MTHFD1L: variants seen among roughly 807,000 people sequenced by gnomAD.
MTHFD1L encodes the protein monofunctional C1-tetrahydrofolate synthase, mitochondrial.
A neutral mutation model predicts 119.5 loss-of-function variants in MTHFD1L; 81 were observed. The ratio of observed to expected loss-of-function variants is 0.68; its 90% CI spans 0.57 to 0.82. The LOEUF (loss-of-function observed/expected upper bound fraction) is 0.82, where lower values mean the gene tolerates loss of function less well. Ranked by LOEUF, MTHFD1L falls within the 40% of genes least tolerant of loss-of-function variation. The pLI is 0.00. For missense variants in MTHFD1L, 1,125 were observed against 1,253.4 expected (o/e 0.90, Z 1.55); for synonymous variants, 430 against 475.2 (o/e 0.90, Z 1.24).
Position 150,865,760 on chromosome 6 carries a change from A to G in MTHFD1L, c.-63A>G. Reference sequence around the variant, plus strand: ...CGCCGCCGCCGCCTGCTCCCCTGGCACGCGCCCCGCCGCCCTCGGCAGCCG... The same window carrying G: ...CGCCGCCGCCGCCTGCTCCCCTGGCGCGCGCCCCGCCGCCCTCGGCAGCCG... On this transcript the variant is annotated 5_prime_UTR_variant, in exon 1 of 28. Transcript: ENST00000367321. 2.5e-6 allele frequency: 3 copies of G among 1,202,100 alleles called. No individual in the cohort carries two copies. Among genetic ancestry groups the G allele is most frequent in the East Asian group, 5.0e-5 (1 of 19,992 alleles). 74.5% of individuals were successfully genotyped at this position (1,202,100 alleles called of 1,614,324 possible). A position where few individuals can be genotyped will look rare whatever the true frequency, so the allele number is the denominator to read the frequency against.
At chr6:151,059,536 A>T (rs1790390668) in intron 26 of MTHFD1L, among the ~76,000 whole-genome samples, 1 of 152,252 alleles carries the variant, frequency 6.6e-6, no homozygotes, top group South Asian at 2.1e-4. Context: ...TTTTGGTGAG[A>T]AATGAGAACT....
intron 20 of MTHFD1L, among the ~76,000 whole-genome samples, chr6:150,997,127 G>A (rs891963412): frequency 1.3e-5 from 2 of 152,150 alleles, no homozygotes; most frequent in African/African-American, 4.8e-5. Flanking sequence ...CAGCTTCTCA[G>A]CACTGTGTCC....
chr6:150,918,595 C>T lies in MTHFD1L; in HGVS notation c.911C>T (p.Ser304Phe), dbSNP rs777139930. Reference sequence around the variant, plus strand: ...TTTACAGGGAAGGTTGGGTGTGGCTCTCCAAGAATACATTTTGGTGGACTC... The same window carrying T: ...TTTACAGGGAAGGTTGGGTGTGGCTTTCCAAGAATACATTTTGGTGGACTC... ...DFLSGKVGCG[S>F]PRIHFGGLIE... Residue 304 changes from serine to phenylalanine, a missense_variant, in exon 9 of 28, where the codon TCT becomes TTT. Physicochemically the swap from Ser to Phe is radical, Grantham distance 155. Transcript: ENST00000367321. The T allele has an allele frequency of 1.2e-6, 2 of 1,613,974 alleles. No homozygotes were observed. Among genetic ancestry groups the T allele is most frequent in the South Asian group, 2.2e-5 (2 of 91,064 alleles).
chr6:151,017,157 T>C (rs1368681465), intron 24 of MTHFD1L, among the ~76,000 whole-genome samples: 2 of 152,034 alleles, frequency 1.3e-5, no homozygotes, highest in Non-Finnish European at 2.9e-5. Context: ...ACGCTTTTCA[T>C]CTTGCAAAAC....
chr6:150,950,962 C>T (rs1353705800), intron 16 of MTHFD1L, among the ~76,000 whole-genome samples: 1 of 151,898 alleles, frequency 6.6e-6, no homozygotes, highest in East Asian at 1.9e-4. Flanking sequence ...AGCCACTGTG[C>T]CTGGCTTGGG....
intron 7 of MTHFD1L, among the ~76,000 whole-genome samples, chr6:150,896,720 A>C (rs1025773841): frequency 1.3e-5 from 2 of 152,130 alleles, no homozygotes; most frequent in Non-Finnish European, 1.5e-5. Flanking sequence ...AGAGCCAAAA[A>C]AACTTTATTA....
intron 24 of MTHFD1L, among the ~76,000 whole-genome samples, chr6:151,016,550 T>C (rs479755): frequency 0.18 from 27,293 of 151,628 alleles, 3,273 homozygotes; most frequent in African/African-American, 0.35. Flanking sequence ...CTCAAACTCC[T>C]GATCTCATGG....
At chr6:150,930,520 A>G (rs1790860155) in intron 11 of MTHFD1L, among the ~76,000 whole-genome samples, 1 of 151,960 alleles carries the variant, frequency 6.6e-6, no homozygotes, top group South Asian at 2.1e-4. Context: ...ACATAAAGTA[A>G]AAAGGAGATA....
intron 20 of MTHFD1L, among the ~76,000 whole-genome samples, chr6:150,982,787 C>A (rs944242747): frequency 6.6e-6 from 1 of 151,964 alleles, no homozygotes; most frequent in Non-Finnish European, 1.5e-5. Flanking sequence ...GCAACCTCCA[C>A]CTCCCAGGTT....
intron 17 of MTHFD1L, among the ~76,000 whole-genome samples, chr6:150,956,456 A>C (rs75470455): frequency 6.6e-6 from 1 of 152,208 alleles, no homozygotes; most frequent in African/African-American, 2.4e-5. Context: ...ATATCAAAGA[A>C]CAAACACCTA....
Position 151,043,258 on chromosome 6 carries a change from C to CTTTTTTTTTTT in MTHFD1L, c.2847+6155_2847+6165dup, listed in dbSNP as rs1170553631. On this transcript the variant is annotated intron_variant, in intron 26 of 27. Coordinates refer to ENST00000367321, the MANE Select transcript of MTHFD1L (RefSeq NM_015440.5). Reference sequence around the variant, plus strand: ...CTTCTTTCTTCTCACAGTGTTTTCTCTTTTTTTTTTTTTTTTTTTTTTTTG... The same window carrying CTTTTTTTTTTT: ...CTTCTTTCTTCTCACAGTGTTTTCTCTTTTTTTTTTTTTTTTTTTTTTTTTTTTTTTTTTTG... 6.3e-5 allele frequency among the ~76,000 whole-genome samples: 5 copies of CTTTTTTTTTTT among 78,886 alleles called. 1 individual carries two copies. The highest frequency in any genetic ancestry group is 2.0e-4 in the Admixed American group (1 of 5,004). The allele number at this position is 78,886 out of a possible 152,430, so 51.8% of individuals were successfully genotyped here. A position where few individuals can be genotyped will look rare whatever the true frequency, so the allele number is the denominator to read the frequency against.
chr6:150,982,558 G>C (rs1236018090), intron 20 of MTHFD1L, among the ~76,000 whole-genome samples: 1 of 152,172 alleles, frequency 6.6e-6, no homozygotes, highest in Non-Finnish European at 1.5e-5. Context: ...CTATATACAG[G>C]AGTGAGATTT....
chr6:150,917,837 T>C (rs905693312), intron 8 of MTHFD1L, among the ~76,000 whole-genome samples: 4 of 152,208 alleles, frequency 2.6e-5, no homozygotes, highest in African/African-American at 9.7e-5. Flanking sequence ...ATCTGCAGTC[T>C]ATGTTGCATC....
chr6:151,062,189 C>G (rs1790717006), intron 26 of MTHFD1L, among the ~76,000 whole-genome samples: 1 of 152,204 alleles, frequency 6.6e-6, no homozygotes, highest in Admixed American at 6.5e-5. Flanking sequence ...GTAATCCCAG[C>G]ACTTTGGAAG....
At chr6:150,918,757 G>A in intron 9 of MTHFD1L, 89 bp downstream of exon 9, 4 of 1,061,820 alleles carry the variant, frequency 3.8e-6, no homozygotes, top group East Asian at 4.7e-5. Context: ...TGTTTACCAG[G>A]TACAGTGTTA....
chr6:150,891,383 C>T (rs1448931812), intron 7 of MTHFD1L, among the ~76,000 whole-genome samples: 2 of 144,970 alleles, frequency 1.4e-5, no homozygotes, highest in African/African-American at 2.5e-5. Flanking sequence ...GAAAGCAACA[C>T]AACATATATA....
intron 11 of MTHFD1L, chr6:150,935,392 G>A: frequency 1.2e-6 from 2 of 1,613,912 alleles, no homozygotes; most frequent in Non-Finnish European, 1.7e-6. Context: ...GGAACTCATT[G>A]TCTCTTTCAG....
At chr6:151,044,635 C>T (rs1787682213) in intron 26 of MTHFD1L, among the ~76,000 whole-genome samples, 1 of 152,096 alleles carries the variant, frequency 6.6e-6, no homozygotes, top group South Asian at 2.1e-4. Context: ...CGGGATTGGC[C>T]TGGGCTGTAC....
At chr6:150,904,211 G>C (rs1785515692) in intron 7 of MTHFD1L, among the ~76,000 whole-genome samples, 1 of 152,154 alleles carries the variant, frequency 6.6e-6, no homozygotes, top group South Asian at 2.1e-4. Context: ...AATGGATAAG[G>C]GTGTCCCCAA....
Sources: gnomAD v4.1 joint callset for allele counts (sites outside exome capture counted in the v4.1 genomes callset) on GRCh38, gnomAD v4.1.1 for gene constraint, MANE v1.5 for transcripts, NCBI Gene and HGNC (gene_info 2026-07-23, HGNC 2026-07-21) for gene names.